The following IL16 variants were observed in gnomAD, a reference collection of about 807,000 sequenced individuals.
The protein encoded by IL16 is pro-interleukin-16.
A neutral mutation model predicts 110.1 loss-of-function variants in IL16; 67 were observed. That is an observed-to-expected ratio of 0.61 (90% CI 0.50 to 0.75). The LOEUF (loss-of-function observed/expected upper bound fraction) is 0.75. Ranked by LOEUF, IL16 falls within the 30% of genes least tolerant of loss-of-function variation. IL16 has a pLI of 0.00. For synonymous variants in IL16, 689 were observed against 662.9 expected, an observed-to-expected ratio of 1.04 and a Z score of -0.61; for missense variants, 1,545 against 1,655.0, an observed-to-expected ratio of 0.93 and a Z score of 1.15.
At chr15:81,304,806 ACAGAAT>A (rs1370386955) in intron 16 of IL16, among the ~76,000 whole-genome samples, 7 of 152,172 alleles carry the variant, frequency 4.6e-5, no homozygotes, top group Non-Finnish European at 7.4e-5. Flanking sequence ...TAACCATGTA[ACAGAAT>A]TTTTCTAACA....
chr15:81,211,060 T>A (rs982726021), intron 1 of IL16, among the ~76,000 whole-genome samples: 1 of 152,014 alleles, frequency 6.6e-6, no homozygotes, highest in African/African-American at 2.4e-5. Context: ...TTTTTGTTTG[T>A]TTGTTTGTTT....
intron 12 of IL16, among the ~76,000 whole-genome samples, chr15:81,295,033 C>T (rs1253883773): frequency 6.6e-6 from 1 of 152,142 alleles, no homozygotes; most frequent in Admixed American, 6.5e-5. Context: ...ACTCTCACAA[C>T]CAATATGAAC....
At chr15:81,183,132 A>T (rs1895369863) in intron 1 of IL16, among the ~76,000 whole-genome samples, 1 of 152,230 alleles carries the variant, frequency 6.6e-6, no homozygotes, top group African/African-American at 2.4e-5. Context: ...CTGAGTGCTC[A>T]CCAAGTGCTT....
chr15:81,214,608 G>A (rs1896360381), intron 1 of IL16, among the ~76,000 whole-genome samples: 1 of 151,870 alleles, frequency 6.6e-6, no homozygotes, highest in South Asian at 2.1e-4. Flanking sequence ...TCTTGGTGAT[G>A]GTTGTCTTGT....
intron 1 of IL16, among the ~76,000 whole-genome samples, chr15:81,210,227 G>T (rs1375707366): frequency 6.6e-6 from 1 of 152,156 alleles, no homozygotes; most frequent in Non-Finnish European, 1.5e-5. Context: ...TGGTCTGTGT[G>T]TCATTTTCTA....
intron 1 of IL16, among the ~76,000 whole-genome samples, chr15:81,210,263 C>T (rs1896188402): frequency 6.6e-6 from 1 of 152,296 alleles, no homozygotes; most frequent in South Asian, 2.1e-4. Flanking sequence ...GTTTTGGTTA[C>T]TGTAGCCTTA....
chr15:81,250,913 C>T (rs1897746522), intron 2 of IL16, among the ~76,000 whole-genome samples: 1 of 152,106 alleles, frequency 6.6e-6, no homozygotes, highest in Non-Finnish European at 1.5e-5. Flanking sequence ...GAGAAGTATC[C>T]TGTTAAACTC....
chr15:81,234,573 A>G (rs1897119688), intron 2 of IL16, among the ~76,000 whole-genome samples: 1 of 152,332 alleles, frequency 6.6e-6, no homozygotes, highest in Middle Eastern at 3.4e-3. Flanking sequence ...ATTGTCATGC[A>G]TTTTAATTCT....
Position 81,221,880 on chromosome 15 carries a change from G to A in IL16, c.-101-3419G>A, listed in dbSNP as rs28639637. On this transcript the variant is annotated intron_variant, in intron 1 of 18. Coordinates refer to ENST00000683961, the MANE Select transcript of IL16 (RefSeq NM_172217.5). ...TTTTCAAAGCTGCCGGTACTCATCA[G>A]ACACTCCTGCAAATGGTGCATTGGG... is the stretch of plus-strand genomic sequence containing the variant. Among the ~76,000 whole-genome samples the A allele has an allele frequency of 5.2e-3, 789 of 152,266 alleles. 4 individuals carry two copies. The highest frequency in any genetic ancestry group is 0.018 in the African/African-American group (762 of 41,548).
In IL16 at chr15:81,265,781, T is replaced by C; in HGVS notation, c.544T>C (p.Cys182Arg). 1 of 1,612,986 alleles carries C rather than the reference T, an allele frequency of 6.2e-7. No individual in the cohort carries two copies. Among genetic ancestry groups the C allele is most frequent in the Non-Finnish European group, 8.5e-7 (1 of 1,179,466 alleles). The change falls in exon 4 of 19, where the codon TGT becomes CGT. Residue 182 changes from cysteine (C) to arginine (R), a missense_variant. Transcript: ENST00000683961. ...GAAGTCCCTCTCTCAACAATTGGAC[T>C]GTCCAGCAGGAAAGGCTGCGGTAAG... is the stretch of plus-strand genomic sequence containing the variant. ...NRKSLSQQLDCPAGKAAGTSR... is the reference protein window; with the variant it reads ...NRKSLSQQLDRPAGKAAGTSR...
In IL16 at chr15:81,225,480, T is replaced by C. The variant is rs1896757166; in HGVS notation, c.81T>C (p.Asn27=). 6.2e-7 allele frequency: 1 copy of C among 1,614,170 alleles called. No individual in the cohort carries two copies. Among genetic ancestry groups the C allele is most frequent in the Non-Finnish European group, 8.5e-7 (1 of 1,180,012 alleles). The change falls in exon 2 of 19, where the codon AAT becomes AAC. Residue 27 remains asparagine (N), a synonymous_variant. Transcript: ENST00000683961. ...RSISRSLMLC[N]AKTSDDGSSP... ...TCTCCAGGTCCCTGATGCTCTGTAA[T>C]GCTAAGACCAGTGATGATGGCTCTA...
chr15:81,235,385 G>A (rs1191597990), intron 2 of IL16, among the ~76,000 whole-genome samples: 3 of 152,146 alleles, frequency 2.0e-5, no homozygotes, highest in Non-Finnish European at 4.4e-5. Flanking sequence ...CACATGGCAA[G>A]AGAGGGAGCA....
At chr15:81,183,556 C>T (rs930938344) in intron 1 of IL16, among the ~76,000 whole-genome samples, 11 of 152,242 alleles carry the variant, frequency 7.2e-5, no homozygotes, top group Non-Finnish European at 1.3e-4. Flanking sequence ...ACTGGCGAAA[C>T]TTCAGCTCTG....
At chr15:81,247,214 A>G (rs761428613) in intron 2 of IL16, among the ~76,000 whole-genome samples, 28 of 150,490 alleles carry the variant, frequency 1.9e-4, no homozygotes, top group Middle Eastern at 3.4e-3. Flanking sequence ...AATTTTGTCC[A>G]TATCTTTATC....
At chr15:81,203,505 G>A (rs1244141594) in intron 1 of IL16, among the ~76,000 whole-genome samples, 6 of 151,210 alleles carry the variant, frequency 4.0e-5, no homozygotes, top group Non-Finnish European at 5.9e-5. Flanking sequence ...TGTATAAGGT[G>A]TAAGGAAGGG....
intron 13 of IL16, among the ~76,000 whole-genome samples, chr15:81,298,984 A>C (rs929499696): frequency 6.6e-6 from 1 of 152,374 alleles, no homozygotes; most frequent in South Asian, 2.1e-4. Flanking sequence ...TACACATTTA[A>C]CATGGTATCT....
chr15:81,294,448 G>A (rs150008341), intron 12 of IL16, among the ~76,000 whole-genome samples: 1 of 152,336 alleles, frequency 6.6e-6, no homozygotes, highest in East Asian at 1.9e-4. Flanking sequence ...GTCTGTCCCA[G>A]TGATGCCCTT....
At chr15:81,206,732 G>A (rs974965992) in intron 1 of IL16, among the ~76,000 whole-genome samples, 5 of 152,150 alleles carry the variant, frequency 3.3e-5, no homozygotes, top group Non-Finnish European at 5.9e-5. Flanking sequence ...AAAATCTCCT[G>A]AAGAACTGAG....
intron 2 of IL16, among the ~76,000 whole-genome samples, chr15:81,252,196 A>G (rs1159510724): frequency 6.6e-6 from 1 of 152,214 alleles, no homozygotes; most frequent in Non-Finnish European, 1.5e-5. Flanking sequence ...ACCAGGATTC[A>G]CTGGTAGGAA....
Sources: allele counts gnomAD v4.1 joint callset (sites outside exome capture counted in the v4.1 genomes callset), GRCh38; gene constraint gnomAD v4.1.1; transcripts MANE v1.5; gene names NCBI Gene and HGNC (gene_info 2026-07-23, HGNC 2026-07-21).